KIZ: variants seen among roughly 807,000 people sequenced by gnomAD.
KIZ encodes centrosomal protein kizuna.
Under a neutral mutation model 79.6 loss-of-function variants are expected in KIZ, and 68 were observed. The observed-to-expected ratio is 0.85, with a 90% CI of 0.70 to 1.05. The LOEUF is 1.05. Among genes scored for constraint, KIZ ranks in the 50% least tolerant of loss-of-function variants. KIZ has a pLI of 0.00. For synonymous variants in KIZ, 280 were observed against 281.8 expected (o/e 0.99, Z 0.06); for missense variants, 797 against 800.4 (o/e 1.00, Z 0.05).
At chr20:21,229,441 C>T (rs2036766879) in intron 10 of KIZ, among the ~76,000 whole-genome samples, 1 of 152,256 alleles carries the variant, frequency 6.6e-6, no homozygotes, top group South Asian at 2.1e-4. Context: ...CTACTAGTGT[C>T]TTAGTCATTC....
At chr20:21,235,025 T>C (rs1418590386) in intron 11 of KIZ, among the ~76,000 whole-genome samples, 2 of 152,194 alleles carry the variant, frequency 1.3e-5, no homozygotes, top group East Asian at 3.9e-4. Context: ...ATTGTGCAAA[T>C]GTTGCCTGTG....
At chr20:21,192,198 A>C (rs1281101407) in intron 6 of KIZ, among the ~76,000 whole-genome samples, 2 of 151,966 alleles carry the variant, frequency 1.3e-5, no homozygotes, top group African/African-American at 2.4e-5. Context: ...CACCTTTCTG[A>C]ATACAAGGTA....
At chr20:21,189,701 C>T (rs373642175) in intron 6 of KIZ, among the ~76,000 whole-genome samples, 1 of 152,292 alleles carries the variant, frequency 6.6e-6, no homozygotes, top group East Asian at 1.9e-4. Flanking sequence ...GGTGCCCTAC[C>T]AAATGTAGCC....
chr20:21,168,105 G>C (rs1341882330), intron 6 of KIZ, among the ~76,000 whole-genome samples: 1 of 151,938 alleles, frequency 6.6e-6, no homozygotes, highest in Admixed American at 6.6e-5. Flanking sequence ...GGTGTGTGAT[G>C]CTCCCCTTCC....
intron 6 of KIZ, 54 bp from the exon 7 acceptor site, chr20:21,205,437 G>A: frequency 1.4e-6 from 1 of 727,226 alleles, no homozygotes; most frequent in Non-Finnish European, 2.3e-6. Context: ...TTAAAAATGT[G>A]GGAATCTTAT....
chr20:21,191,771 G>A (rs1006278760), intron 6 of KIZ, among the ~76,000 whole-genome samples: 1 of 151,318 alleles, frequency 6.6e-6, no homozygotes, highest in African/African-American at 2.4e-5. Flanking sequence ...TACCTGAGAA[G>A]AATTTTTAGT....
chr20:21,147,228 A>G (rs1268072046), intron 4 of KIZ, among the ~76,000 whole-genome samples: 1 of 152,180 alleles, frequency 6.6e-6, no homozygotes, highest in African/African-American at 2.4e-5. Flanking sequence ...CAAGAGACAT[A>G]CAGTTGACAA....
chr20:21,212,069 A>G (rs905957889), intron 7 of KIZ, among the ~76,000 whole-genome samples: 1 of 152,174 alleles, frequency 6.6e-6, no homozygotes, highest in Admixed American at 6.5e-5. Flanking sequence ...AGCTTGGGCA[A>G]GAGAGAGAGA....
chr20:21,168,650 G>C (rs1268613505), intron 6 of KIZ, among the ~76,000 whole-genome samples: 1 of 152,142 alleles, frequency 6.6e-6, no homozygotes, highest in Non-Finnish European at 1.5e-5. Context: ...AAAGAACAAA[G>C]CTGGAGGCAT....
chr20:21,156,708 C>G (rs1174754609), intron 4 of KIZ, among the ~76,000 whole-genome samples: 5 of 152,092 alleles, frequency 3.3e-5, no homozygotes, highest in Non-Finnish European at 7.4e-5. Flanking sequence ...CAAGAAAGAG[C>G]GTGTCTCTGT....
intron 7 of KIZ, among the ~76,000 whole-genome samples, chr20:21,205,832 G>A (rs542101041): frequency 3.3e-5 from 5 of 151,738 alleles, no homozygotes; most frequent in Non-Finnish European, 7.4e-5. Flanking sequence ...GTGGTGGTGC[G>A]CACCTGTAGT....
chr20:21,150,843 G>C (rs954222104), intron 4 of KIZ: 1 of 152,252 alleles, frequency 6.6e-6, no homozygotes, highest in African/African-American at 2.4e-5. Context: ...ATAACCTGCT[G>C]ACCTGAAAGG....
upstream of KIZ, chr20:21,126,009 G>A: frequency 3.0e-6 from 4 of 1,325,452 alleles, no homozygotes; most frequent in East Asian, 3.1e-5. Flanking sequence ...TCCTGCAGGC[G>A]GCCCGGCGCG....
upstream of KIZ, chr20:21,126,048 G>C: frequency 7.1e-7 from 1 of 1,412,600 alleles, no homozygotes. Context: ...TGGTGGGGCG[G>C]TCTCCTTCGG....
intron 4 of KIZ, among the ~76,000 whole-genome samples, chr20:21,154,515 T>A (rs1600397857): frequency 6.6e-6 from 1 of 152,334 alleles, no homozygotes; most frequent in South Asian, 2.1e-4. Context: ...GATGAATAAC[T>A]GTGACAAGAA....
intron 6 of KIZ, chr20:21,202,512 T>A (rs1487154523): frequency 1.3e-5 from 2 of 152,158 alleles, no homozygotes; most frequent in Non-Finnish European, 2.9e-5. Context: ...GGCCTTAGAA[T>A]CAAAGGATTC....
chr20:21,166,166 TCC>T, intron 6 of KIZ: 1 of 940,278 alleles, frequency 1.1e-6, no homozygotes, highest in Non-Finnish European at 1.6e-6. Flanking sequence ...TTTTTTTTTG[TCC>T]ATGAGGCATT....
At chr20:21,215,227 G>A (rs2036236181) in intron 8 of KIZ, among the ~76,000 whole-genome samples, 1 of 152,148 alleles carries the variant, frequency 6.6e-6, no homozygotes, top group Non-Finnish European at 1.5e-5. Flanking sequence ...CCATTTAACT[G>A]CTTTAATGGT....
At chr20:21,241,824 G>A (rs2123511974) in intron 11 of KIZ, among the ~76,000 whole-genome samples, 1 of 152,240 alleles carries the variant, frequency 6.6e-6, no homozygotes, top group East Asian at 1.9e-4. Flanking sequence ...GTTCTCATGT[G>A]TCTGTGTTTA....
Sources: allele counts gnomAD v4.1 joint callset (sites outside exome capture counted in the v4.1 genomes callset), GRCh38; gene constraint gnomAD v4.1.1; transcripts MANE v1.5; gene names NCBI Gene and HGNC (gene_info 2026-07-23, HGNC 2026-07-21).